The following LARP7 variants were observed in gnomAD, a reference collection of about 807,000 sequenced individuals.
LARP7 encodes La ribonucleoprotein 7, transcriptional regulator.
In LARP7, 52 loss-of-function variants were observed where a neutral mutation model predicts 69.3. That is an observed-to-expected ratio of 0.75 (90% confidence interval 0.60 to 0.95). LARP7 has a LOEUF of 0.95. LARP7 is among the 40% of genes least tolerant of loss of function. The probability of loss-of-function intolerance (pLI) is 0.00; values close to 1 mark genes in which losing one functional copy is unlikely to be tolerated. For missense variants in LARP7, 733 were observed against 673.0 expected, an observed-to-expected ratio of 1.09 and a Z score of -0.99; for synonymous variants, 254 against 215.9, an observed-to-expected ratio of 1.18 and a Z score of -1.55.
chr4:112,649,418 G>A, intron 8 of LARP7, 117 bp from the exon 9 acceptor site: 1 of 816,824 alleles, frequency 1.2e-6, no homozygotes, highest in South Asian at 2.1e-5. Context: ...TGTGTTTAAA[G>A]AAACAGGAAA....
At chr4:112,645,504 ATTT>A (rs557545981) in intron 2 of LARP7, 7 of 456,076 alleles carry the variant, frequency 1.5e-5, no homozygotes, top group Non-Finnish European at 2.6e-5. Context: ...GCTCAATGTT[ATTT>A]TTTGTTTCAT....
Position 112,646,615 on chromosome 4 carries a change from AGGAAAAAACCTCTGGG to A in LARP7, c.337_352del (p.Lys113AspfsTer37). On this transcript the variant is annotated frameshift_variant, in exon 4 of 13. Coordinates refer to ENST00000344442, the MANE Select transcript of LARP7 (RefSeq NM_016648.4). LOFTEE classifies it high-confidence loss of function. ...TGATTTGGAAGGCACCAGAATCCGG[AGGAAAAAACCTCTGGG>A]GGAAAGACCAAAGGATGAGGATGAA... 1 of 1,600,702 alleles carries A rather than the reference AGGAAAAAACCTCTGGG, an allele frequency of 6.2e-7. No homozygotes were observed. Among genetic ancestry groups the A allele is most frequent in the Non-Finnish European group, 8.5e-7 (1 of 1,172,750 alleles).
chr4:112,642,313 G>A (rs1170532278), intron 1 of LARP7, among the ~76,000 whole-genome samples: 1 of 152,164 alleles, frequency 6.6e-6, no homozygotes, highest in Non-Finnish European at 1.5e-5. Flanking sequence ...CTGACCTATA[G>A]TTGTGTTTTA....
intron 1 of LARP7, 47 bp from the exon 2 acceptor site, chr4:112,644,621 C>A (rs747540707): frequency 2.9e-6 from 4 of 1,375,548 alleles, no homozygotes; most frequent in South Asian, 2.6e-5. Context: ...ACTATATTAG[C>A]TATTGTGGTG....
intron 1 of LARP7, among the ~76,000 whole-genome samples, chr4:112,639,320 C>T (rs1399190453): frequency 6.6e-6 from 1 of 151,918 alleles, no homozygotes; most frequent in Non-Finnish European, 1.5e-5. Flanking sequence ...CACCTTTCTC[C>T]TGCCTCAGCC....
intron 8 of LARP7, chr4:112,648,471 A>G (rs753839927): frequency 1.9e-6 from 1 of 534,132 alleles, no homozygotes; most frequent in Non-Finnish European, 3.9e-6. Context: ...ATTTTGGAGA[A>G]GTAAATTGGA....
chr4:112,646,569 G>A lies in LARP7; in HGVS notation c.304-19G>A. On this transcript the variant is annotated intron_variant, in intron 3 of 12. Transcript: ENST00000344442. Reference sequence around the variant, plus strand: ...TATAAATAATATTAGTTTTATTAATGTAATATACTATTTTAAAGCTTGATT... The same window carrying A: ...TATAAATAATATTAGTTTTATTAATATAATATACTATTTTAAAGCTTGATT... 6.9e-7 allele frequency: 1 copy of A among 1,443,194 alleles called. No homozygotes were observed. Among genetic ancestry groups the A allele is most frequent in the Admixed American group, 2.2e-5 (1 of 46,394 alleles). The allele number at this position is 1,443,194 out of a possible 1,614,324, so 89.4% of individuals were successfully genotyped here. A position where few individuals can be genotyped will look rare whatever the true frequency, so the allele number is the denominator to read the frequency against.
Position 112,657,308 on chromosome 4 carries a change from G to T in LARP7, c.1730G>T (p.Arg577Ile), listed in dbSNP as rs2048995688. 3 of 1,578,408 alleles carry T rather than the reference G, an allele frequency of 1.9e-6. No homozygotes were observed. The highest frequency in any genetic ancestry group is 1.7e-6 in the Non-Finnish European group (2 of 1,158,786). Residue 577 changes from arginine to isoleucine, a missense_variant, in exon 13 of 13, where the codon AGA (arginine) becomes ATA (isoleucine). Transcript: ENST00000344442. ...ACTCAACAAGCGAGTAAACATATAA[G>T]ATTTTCTGAATATGATTGAAAAAAA... is the stretch of plus-strand genomic sequence containing the variant. ...AKTQQASKHI[R>I]FSEYD is the part of the protein sequence containing the mutation.
At chr4:112,652,102 C>A (rs2048768222) in intron 10 of LARP7, among the ~76,000 whole-genome samples, 2 of 151,482 alleles carry the variant, frequency 1.3e-5, no homozygotes, top group South Asian at 4.2e-4. Context: ...TAGAAACTCA[C>A]AGATTTTATT....
At chr4:112,654,750 A>G (rs553081755) in intron 12 of LARP7, 1 of 152,404 alleles carries the variant, frequency 6.6e-6, no homozygotes, top group African/African-American at 2.4e-5. Flanking sequence ...AGCTTAGGCA[A>G]CATAGCAAGA....
intron 12 of LARP7, among the ~76,000 whole-genome samples, chr4:112,656,410 C>G (rs2048956551): frequency 6.6e-6 from 1 of 151,926 alleles, no homozygotes; most frequent in Non-Finnish European, 1.5e-5. Flanking sequence ...AAAAACGAAA[C>G]TAAAATAATA....
intron 8 of LARP7, 157 bp downstream of exon 8, chr4:112,647,991 T>A: frequency 1.4e-6 from 1 of 716,966 alleles, no homozygotes; most frequent in Non-Finnish European, 2.6e-6. Context: ...AATTGCTGAT[T>A]AGGTAGGAAC....
chr4:112,649,921 T>G (rs2048637095), intron 9 of LARP7: 2 of 282,372 alleles, frequency 7.1e-6, no homozygotes, highest in Admixed American at 1.0e-4. Flanking sequence ...CTCTACAGTT[T>G]TCATCAAGCA....
chr4:112,639,396 C>CT (rs574683518), intron 1 of LARP7, among the ~76,000 whole-genome samples: 9 of 151,420 alleles, frequency 5.9e-5, no homozygotes, highest in Non-Finnish European at 1.3e-4. Flanking sequence ...TTTCTTTTTT[C>CT]TTTTTTTGTA....
intron 10 of LARP7, among the ~76,000 whole-genome samples, chr4:112,652,444 G>T (rs1229601998): frequency 6.6e-6 from 1 of 152,030 alleles, no homozygotes; most frequent in African/African-American, 2.4e-5. Flanking sequence ...AAGAATGCAG[G>T]AATCTGGTTA....
rs777533208 is a variant in LARP7, at chr4:112,650,552, A to G, written c.1386A>G (p.Thr462=). 6.2e-7 allele frequency: 1 copy of G among 1,613,712 alleles called. No homozygotes were observed. Among genetic ancestry groups the G allele is most frequent in the South Asian group, 1.1e-5 (1 of 91,050 alleles). The change falls in exon 10 of 13, where the codon ACA becomes ACG. Residue 462 remains threonine, a synonymous_variant. Coordinates refer to ENST00000344442, the MANE Select transcript of LARP7 (RefSeq NM_016648.4). The part of the protein sequence containing the change: ...VSGVIVKIIS[T]EPLPGRKQVR... The stretch of plus-strand genomic sequence containing the variant: ...GAGTGATTGTGAAGATCATTAGCAC[A>G]GAGCCTCTACCTGGCAGGAAACAAG...
At position 112,647,583 on chromosome 4, in the gene LARP7, A is replaced by G. The variant is rs372159818; in HGVS notation, c.997+34A>G. ...ACAAGGTTTTAATTAGATAAAACTA[A>G]TTAATTTTAATTAATTAGTTTTTAA... is the stretch of plus-strand genomic sequence containing the variant. On this transcript the variant is annotated intron_variant, in intron 7 of 12. Coordinates refer to ENST00000344442, the MANE Select transcript of LARP7 (RefSeq NM_016648.4). 740 of 1,265,508 alleles carry G rather than the reference A, an allele frequency of 5.8e-4. 3 individuals are homozygous for G. The highest frequency in any genetic ancestry group is 4.4e-4 in the Non-Finnish European group (408 of 929,432). The allele number at this position is 1,265,508 out of a possible 1,614,324, so 78.4% of individuals were successfully genotyped here.
At chr4:112,642,265 G>A (rs1389866854) in intron 1 of LARP7, among the ~76,000 whole-genome samples, 5 of 152,124 alleles carry the variant, frequency 3.3e-5, no homozygotes, top group Non-Finnish European at 5.9e-5. Flanking sequence ...TGGTTGTGTG[G>A]TACTCAATGA....
chr4:112,641,230 AC>A (rs2047947765), intron 1 of LARP7, among the ~76,000 whole-genome samples: 1 of 152,084 alleles, frequency 6.6e-6, no homozygotes, highest in Non-Finnish European at 1.5e-5. Context: ...TACTAAAAAT[AC>A]AAAAAAAAAT....
Sources: gnomAD v4.1 joint callset for allele counts (sites outside exome capture counted in the v4.1 genomes callset) on GRCh38, gnomAD v4.1.1 for gene constraint, MANE v1.5 for transcripts, NCBI Gene and HGNC (gene_info 2026-07-23, HGNC 2026-07-21) for gene names.